SMC1B: variants seen among roughly 807,000 people sequenced by gnomAD.
The protein encoded by SMC1B is structural maintenance of chromosomes 1B.
In SMC1B, 60 loss-of-function variants were observed where a neutral mutation model predicts 157.9. The ratio of observed to expected loss-of-function variants is 0.38; its 90% confidence interval spans 0.31 to 0.47. The LOEUF is 0.47. Among genes scored for constraint, SMC1B ranks in the 20% least tolerant of loss-of-function variants. The pLI is 0.99. For synonymous variants in SMC1B, 445 were observed against 483.0 expected, an observed-to-expected ratio of 0.92 and a Z score of 1.03; for missense variants, 1,165 against 1,426.2, an observed-to-expected ratio of 0.82 and a Z score of 2.95.
intron 19 of SMC1B, among the ~76,000 whole-genome samples, chr22:45,355,345 T>TAAA (rs1223407284): frequency 6.6e-6 from 1 of 152,188 alleles, no homozygotes; most frequent in Non-Finnish European, 1.5e-5. Context: ...TTAATCTGGG[T>TAAA]AAAGAGCAAC....
intron 12 of SMC1B, among the ~76,000 whole-genome samples, chr22:45,382,393 T>C (rs2086945121): frequency 6.6e-6 from 1 of 152,202 alleles, no homozygotes; most frequent in Non-Finnish European, 1.5e-5. Context: ...TGAATCCATT[T>C]ATATGAAAGT....
intron 6 of SMC1B, among the ~76,000 whole-genome samples, chr22:45,398,374 C>T (rs141273335): frequency 6.6e-6 from 1 of 152,316 alleles, no homozygotes; most frequent in Non-Finnish European, 1.5e-5. Flanking sequence ...CTGCTGGGGG[C>T]TGAGTGAGCA....
intron 12 of SMC1B, among the ~76,000 whole-genome samples, chr22:45,374,090 GTTTTTTTTTT>G (rs35971057): frequency 4.7e-5 from 4 of 85,514 alleles, no homozygotes; most frequent in Non-Finnish European, 6.2e-5. Flanking sequence ...AACAAAGACG[GTTTTTTTTTT>G]TTTTTTTTTT....
chr22:45,385,213 C>G (rs2146817851), intron 11 of SMC1B, among the ~76,000 whole-genome samples: 1 of 152,090 alleles, frequency 6.6e-6, no homozygotes, highest in South Asian at 2.1e-4. Flanking sequence ...AAATATGGTG[C>G]CCAAACTATA....
intron 23 of SMC1B, among the ~76,000 whole-genome samples, chr22:45,348,647 C>A (rs1039121223): frequency 2.0e-5 from 3 of 152,028 alleles, no homozygotes; most frequent in African/African-American, 7.2e-5. Context: ...CTGGAAGGTC[C>A]TCTAAGCCTT....
At chr22:45,386,250 A>T (rs530059792) in intron 11 of SMC1B, among the ~76,000 whole-genome samples, 60 of 149,034 alleles carry the variant, frequency 4.0e-4, no homozygotes, top group African/African-American at 1.4e-3. Flanking sequence ...ATGTAGTTTT[A>T]AAAAAAAAAC....
At chr22:45,365,554 A>G (rs889303091) in intron 15 of SMC1B, among the ~76,000 whole-genome samples, 5 of 152,026 alleles carry the variant, frequency 3.3e-5, no homozygotes, top group African/African-American at 1.2e-4. Context: ...AAAATACAAA[A>G]ATTAGCTGGG....
rs1453769423 is a variant in SMC1B at position 45,393,773 on chromosome 22, C to T, written c.1406G>A (p.Arg469Lys). The T allele has an allele frequency of 1.9e-6, 3 of 1,613,704 alleles. No individual in the cohort carries two copies. The highest frequency in any genetic ancestry group is 2.2e-5 in the East Asian group (1 of 44,860). Reference sequence around the variant, plus strand: ...CAATTCTTCATTAACTTCAGACATTCTTGATTTTGTTTTTTCAATTTCATC... The same window carrying T: ...CAATTCTTCATTAACTTCAGACATTTTTGATTTTGTTTTTTCAATTTCATC... ...LVDEIEKTKS[R>K]MSEVNEELNL... Residue 469 changes from arginine to lysine, a missense_variant, in exon 9 of 25, where the codon AGA becomes AAA. Coordinates refer to ENST00000357450, the MANE Select transcript of SMC1B (RefSeq NM_148674.5).
Position 45,402,471 on chromosome 22 carries a change from T to G in SMC1B, c.716A>C (p.Asn239Thr). ...YHNEKKIHLL[N>T]TKLEHVNRDL... ...CCTATTCACATGCTCTAACTTGGTG[T>G]TCAGGAGATGAATCTTTTTCTCATT... The change falls in exon 5 of 25, where the codon AAC (asparagine) becomes ACC (threonine). Residue 239 changes from asparagine (N) to threonine (T), a missense_variant. Coordinates refer to ENST00000357450, the MANE Select transcript of SMC1B (RefSeq NM_148674.5). 2 of 1,613,958 alleles carry G rather than the reference T, an allele frequency of 1.2e-6. No homozygotes were observed. The highest frequency in any genetic ancestry group is 1.7e-6 in the Non-Finnish European group (2 of 1,179,914).
In SMC1B at chr22:45,358,741, C is replaced by T. The variant is rs909203908; in HGVS notation, c.2917G>A (p.Glu973Lys). Reference protein sequence around the residue: ...QATIDIYEKEEAFEIDYSSLK... With the variant: ...QATIDIYEKEKAFEIDYSSLK... ...GAGCTGTAGTCTATTTCAAAGGCTT[C>T]TTCTTTTTCATAGATATCAATTGTT... is the stretch of plus-strand genomic sequence containing the variant. Residue 973 changes from glutamate to lysine, a missense_variant, in exon 19 of 25, where the codon GAA becomes AAA. By Grantham distance (56) the Glu-to-Lys change is moderately conservative (BLOSUM62 1). Coordinates refer to ENST00000357450, the MANE Select transcript of SMC1B (RefSeq NM_148674.5). The T allele has an allele frequency of 1.9e-6, 3 of 1,613,094 alleles. No homozygotes were observed. In the Admixed American group the frequency reaches 5.0e-5, roughly 27 times the overall value.
chr22:45,353,916 AAAAAC>A lies in SMC1B; in HGVS notation c.3273+57_3273+61del, dbSNP rs878938768. 6.2e-4 allele frequency: 519 copies of A among 833,512 alleles called. 16 individuals are homozygous for A. The highest frequency in any genetic ancestry group is 7.1e-4 in the Non-Finnish European group (404 of 569,570). 51.6% of individuals were successfully genotyped at this position (833,512 alleles called of 1,614,324 possible). ...ACCAAAAAAAAAAAAAAAAAAAAAA[AAAAAC>A]AACCACCACCGGTAACACAGAATTC... On this transcript the variant is annotated intron_variant, in intron 21 of 24. Coordinates refer to ENST00000357450, the MANE Select transcript of SMC1B (RefSeq NM_148674.5).
chr22:45,401,663 C>G (rs184806176), intron 5 of SMC1B, among the ~76,000 whole-genome samples: 1 of 152,202 alleles, frequency 6.6e-6, no homozygotes, highest in East Asian at 1.9e-4. Flanking sequence ...AATCAGACAC[C>G]GCCTCCTCAA....
intron 23 of SMC1B, 122 bp from the exon 24 acceptor site, chr22:45,345,691 C>A: frequency 1.5e-5 from 9 of 605,300 alleles, no homozygotes; most frequent in Non-Finnish European, 2.4e-5. Context: ...ATCCACCTTT[C>A]CAATAATTCA....
At chr22:45,410,832 A>G (rs1160926218) in intron 1 of SMC1B, among the ~76,000 whole-genome samples, 1 of 152,228 alleles carries the variant, frequency 6.6e-6, no homozygotes, top group Non-Finnish European at 1.5e-5. Flanking sequence ...TCTAAAAAGA[A>G]CTAGAAATAA....
chr22:45,390,778 A>C (rs1006576720), intron 9 of SMC1B, among the ~76,000 whole-genome samples: 1 of 152,162 alleles, frequency 6.6e-6, no homozygotes, highest in African/African-American at 2.4e-5. Context: ...AATGGTCAAG[A>C]ATTAATTAGA....
chr22:45,396,560 T>C, intron 6 of SMC1B, 74 bp from the exon 7 acceptor site: 1 of 1,328,356 alleles, frequency 7.5e-7, no homozygotes, highest in Non-Finnish European at 1.0e-6. Context: ...TATGAAATCC[T>C]GTACTAGAAG....
At chr22:45,356,853 C>G (rs556404367) in intron 19 of SMC1B, among the ~76,000 whole-genome samples, 1 of 151,854 alleles carries the variant, frequency 6.6e-6, no homozygotes, top group South Asian at 2.1e-4. Flanking sequence ...CCTCAGCCTC[C>G]TAAGTAGCTG....
At chr22:45,399,982 GAGA>G (rs1203404021) in intron 5 of SMC1B, among the ~76,000 whole-genome samples, 1 of 152,218 alleles carries the variant, frequency 6.6e-6, no homozygotes, top group Non-Finnish European at 1.5e-5. Context: ...AGATAAGCAA[GAGA>G]AGGCTAGAAT....
intron 15 of SMC1B, among the ~76,000 whole-genome samples, chr22:45,367,563 C>T (rs1037749126): frequency 6.6e-6 from 1 of 152,204 alleles, no homozygotes; most frequent in African/African-American, 2.4e-5. Flanking sequence ...AGCAGAGTTT[C>T]CTGGACTGGG....
Sources: allele counts gnomAD v4.1 joint callset (sites outside exome capture counted in the v4.1 genomes callset), GRCh38; gene constraint gnomAD v4.1.1; transcripts MANE v1.5; gene names NCBI Gene and HGNC (gene_info 2026-07-23, HGNC 2026-07-21).